The following CHD1L variants were observed in gnomAD, a reference collection of about 807,000 sequenced individuals.
The protein encoded by CHD1L is chromodomain helicase DNA binding protein 1 like.
A neutral mutation model predicts 115.9 loss-of-function variants in CHD1L; 118 were observed. That is an observed-to-expected ratio of 1.02 (90% CI 0.88 to 1.19). CHD1L has a LOEUF of 1.19. Among genes scored for constraint, CHD1L ranks in the 50% most tolerant of loss-of-function variants. The pLI, the probability that CHD1L is intolerant of heterozygous loss-of-function variation, is 0.00. For missense variants in CHD1L, 1,179 were observed against 1,065.3 expected (o/e 1.11, Z -1.49); for synonymous variants, 411 against 387.1 (o/e 1.06, Z -0.72).
At position 147,280,168 on chromosome 1, in the gene CHD1L, G is replaced by A. The variant is rs1172576878; in HGVS notation, c.1682G>A (p.Gly561Glu). The A allele has an allele frequency of 6.8e-6, 11 of 1,606,530 alleles. No homozygotes were observed. The highest frequency in any genetic ancestry group is 9.3e-6 in the Non-Finnish European group (11 of 1,176,842). The change falls in exon 15 of 23, where the codon GGG becomes GAG. Residue 561 changes from glycine to glutamate, a missense_variant. Gly to Glu is a moderately conservative substitution (Grantham distance 98). Transcript: ENST00000369258. ...VSDALPAAEG[G>E]SRDQEEGKNH... ...GATGCCTTGCCTGCAGCAGAAGGAGGGAGCAGAGATCAAGAGGAAGGAAGT... is the reference window on the plus strand; with the variant it reads ...GATGCCTTGCCTGCAGCAGAAGGAGAGAGCAGAGATCAAGAGGAAGGAAGT...
the CHD1L span, chr1:147,204,370 A>ACG: frequency 2.1e-5 from 22 of 1,033,958 alleles, no homozygotes; most frequent in African/African-American, 2.8e-4. Flanking sequence ...AAAAATAGAT[A>ACG]CGCATGCCTG....
At chr1:147,270,776 T>C in intron 10 of CHD1L, 156 bp from the exon 11 acceptor site, 1 of 610,980 alleles carries the variant, frequency 1.6e-6, no homozygotes, top group South Asian at 1.9e-5. Flanking sequence ...TAGAAAGCAT[T>C]TGGAGGTTCT....
chr1:147,284,477 G>C lies in CHD1L; in HGVS notation c.1832G>C (p.Arg611Pro), dbSNP rs368838337. 6.2e-7 allele frequency: 1 copy of C among 1,602,902 alleles called. No homozygotes were observed. Among genetic ancestry groups the C allele is most frequent in the Non-Finnish European group, 8.5e-7 (1 of 1,176,714 alleles). ...TTGGAGAAAGCTAGTCAAGAGGGCC[G>C]ATCACTCCGAAATAAAGGCAGTGTA... ...TLLEKASQEG[R>P]SLRNKGSVLI... Residue 611 changes from arginine (R) to proline (P), a missense_variant, in exon 16 of 23, where the codon CGA becomes CCA. Arg to Pro is a moderately radical substitution (Grantham distance 103). Transcript: ENST00000369258.
chr1:147,221,000 G>A, the CHD1L span, among the ~76,000 whole-genome samples: 15 of 149,956 alleles, frequency 1.0e-4, no homozygotes, highest in African/African-American at 3.4e-4. Context: ...TTGATGGGAG[G>A]TGAGGAGAAT....
the CHD1L span, among the ~76,000 whole-genome samples, chr1:147,188,242 G>A: frequency 6.6e-6 from 1 of 152,124 alleles, no homozygotes; most frequent in African/African-American, 2.4e-5. Flanking sequence ...TATTCATGAG[G>A]TTGGGCGTGG....
the CHD1L span, among the ~76,000 whole-genome samples, chr1:147,194,134 G>A: frequency 2.6e-5 from 4 of 152,088 alleles, no homozygotes; most frequent in African/African-American, 4.8e-5. Flanking sequence ...ATTATTGCGT[G>A]GGAGTCTAAG....
chr1:147,247,272 C>G (rs1306088245), intron 1 of CHD1L, among the ~76,000 whole-genome samples: 2 of 152,058 alleles, frequency 1.3e-5, no homozygotes, highest in Non-Finnish European at 2.9e-5. Context: ...CACCAAATAT[C>G]ATGTTGAAAT....
chr1:147,177,247 AG>A, the CHD1L span, among the ~76,000 whole-genome samples: 1 of 152,226 alleles, frequency 6.6e-6, no homozygotes, highest in South Asian at 2.1e-4. Context: ...AAAGTGACAT[AG>A]GAGCCAACTA....
At chr1:147,240,583 A>C (rs782204218), upstream of CHD1L, among the ~76,000 whole-genome samples, 1 of 152,042 alleles carries the variant, frequency 6.6e-6, no homozygotes, top group African/African-American at 2.4e-5. Context: ...GATAAGAGGA[A>C]GGCATCTGTC....
chr1:147,182,875 C>T, the CHD1L span, among the ~76,000 whole-genome samples: 7 of 152,162 alleles, frequency 4.6e-5, no homozygotes, highest in South Asian at 2.1e-4. Context: ...GGACATATCA[C>T]TTGTGTTTTA....
At chr1:147,248,569 T>G (rs1048845296) in intron 1 of CHD1L, among the ~76,000 whole-genome samples, 1 of 152,228 alleles carries the variant, frequency 6.6e-6, no homozygotes, top group African/African-American at 2.4e-5. Context: ...TATTACTATG[T>G]TTGAGCTTAA....
At chr1:147,233,800 A>T in the CHD1L span, among the ~76,000 whole-genome samples, 1,467 of 151,714 alleles carry the variant, frequency 9.7e-3, 23 homozygotes, top group African/African-American at 0.033. Flanking sequence ...CTTACCCCCA[A>T]CCCTGTGCTC....
At chr1:147,273,946 G>T (rs1286336135) in intron 12 of CHD1L, among the ~76,000 whole-genome samples, 2 of 152,200 alleles carry the variant, frequency 1.3e-5, no homozygotes, top group South Asian at 2.1e-4. Flanking sequence ...CCTATTCATG[G>T]ATGTGGGTGT....
At chr1:147,251,137 T>C (rs1553936191) in intron 1 of CHD1L, among the ~76,000 whole-genome samples, 1 of 152,248 alleles carries the variant, frequency 6.6e-6, no homozygotes, top group Non-Finnish European at 1.5e-5. Flanking sequence ...CAGGTATTAT[T>C]AGCAGCATGA....
the CHD1L span, chr1:147,212,478 C>A: frequency 6.2e-7 from 1 of 1,612,786 alleles, no homozygotes; most frequent in Non-Finnish European, 8.5e-7. Flanking sequence ...TCCAGTGAAT[C>A]CCTCTGGGTT....
At chr1:147,229,320 G>A in the CHD1L span, among the ~76,000 whole-genome samples, 2 of 152,092 alleles carry the variant, frequency 1.3e-5, no homozygotes, top group South Asian at 2.1e-4. Flanking sequence ...GATGGTTGTA[G>A]ATATGCGGCA....
intron 17 of CHD1L, among the ~76,000 whole-genome samples, chr1:147,285,774 T>C (rs587660531): frequency 6.6e-6 from 1 of 152,252 alleles, no homozygotes; most frequent in South Asian, 2.1e-4. Context: ...GCACAGCTCA[T>C]TCAGCCTCAA....
chr1:147,213,396 T>A, the CHD1L span: 35 of 1,613,720 alleles, frequency 2.2e-5, no homozygotes, highest in South Asian at 3.5e-4. Context: ...CCTTTTTCCC[T>A]TCAGATTCAG....
At chr1:147,281,208 C>A (rs1680718270) in intron 15 of CHD1L, among the ~76,000 whole-genome samples, 1 of 152,176 alleles carries the variant, frequency 6.6e-6, no homozygotes, top group South Asian at 2.1e-4. Flanking sequence ...TCCTTAGTAG[C>A]CACTGCTCTG....
Sources: gnomAD v4.1 joint callset for allele counts (sites outside exome capture counted in the v4.1 genomes callset) on GRCh38, gnomAD v4.1.1 for gene constraint, MANE v1.5 for transcripts, NCBI Gene and HGNC (gene_info 2026-07-23, HGNC 2026-07-21) for gene names.